Variants in SEMA6D observed in about 807,000 individuals in gnomAD.
SEMA6D encodes the protein semaphorin 6D.
A neutral mutation model predicts 106.6 loss-of-function variants in SEMA6D; 35 were observed. The observed-to-expected ratio is 0.33, with a 90% confidence interval of 0.25 to 0.44. The LOEUF is 0.44. Ranked by LOEUF, SEMA6D falls within the 20% of genes least tolerant of loss-of-function variation. SEMA6D has a pLI of 1.00. For missense variants in SEMA6D, 1,185 were observed against 1,345.9 expected (o/e 0.88, Z 1.87); for synonymous variants, 499 against 487.7 (o/e 1.02, Z -0.31).
At position 47,279,768 on chromosome 15, in the gene SEMA6D, G is replaced by T. The variant is rs934566486; in HGVS notation, c.-239+95350G>T. On this transcript the variant is annotated intron_variant, in intron 1 of 19. Coordinates refer to the SEMA6D transcript ENST00000558014. ...TTGAATTTTGTCAAAGGCCTTTTCTGCATCTATTGAGATAATCATGTGTTT... is the reference window on the plus strand; with the variant it reads ...TTGAATTTTGTCAAAGGCCTTTTCTTCATCTATTGAGATAATCATGTGTTT... Among the ~76,000 whole-genome samples the T allele has an allele frequency of 8.8e-4, 134 of 151,960 alleles. 1 individual carries two copies. The highest frequency in any genetic ancestry group is 1.5e-3 in the Non-Finnish European group (101 of 67,930).
At chr15:47,205,827 A>G (rs1459385240) in intron 1 of SEMA6D, among the ~76,000 whole-genome samples, 1 of 152,226 alleles carries the variant, frequency 6.6e-6, no homozygotes, top group Non-Finnish European at 1.5e-5. Flanking sequence ...ATAGTTTATC[A>G]GCAAATATAC....
intron 1 of SEMA6D, among the ~76,000 whole-genome samples, chr15:47,335,121 G>A (rs1488998776): frequency 6.6e-6 from 1 of 152,052 alleles, no homozygotes; most frequent in Non-Finnish European, 1.5e-5. Context: ...TAGTCAGTAT[G>A]GGGGAAGGGC....
intron 1 of SEMA6D, among the ~76,000 whole-genome samples, chr15:47,367,692 G>A (rs867358479): frequency 7.9e-4 from 58 of 73,500 alleles, no homozygotes; most frequent in Middle Eastern, 7.2e-3. Flanking sequence ...GCGCGCGCGC[G>A]CACACACACA....
chr15:47,432,965 G>T (rs1037035287), intron 2 of SEMA6D, among the ~76,000 whole-genome samples: 2 of 152,010 alleles, frequency 1.3e-5, no homozygotes, highest in African/African-American at 4.8e-5. Flanking sequence ...TGGGTAAAAT[G>T]ATTTTATTAC....
At chr15:47,642,954 T>C (rs1417310101) in intron 4 of SEMA6D, among the ~76,000 whole-genome samples, 2 of 148,912 alleles carry the variant, frequency 1.3e-5, no homozygotes, top group Non-Finnish European at 3.0e-5. Flanking sequence ...AAGATAGAGA[T>C]GAAGATGGAG....
chr15:47,462,774 C>CAAG (rs1353735119), intron 2 of SEMA6D, among the ~76,000 whole-genome samples: 3 of 151,982 alleles, frequency 2.0e-5, no homozygotes, highest in Non-Finnish European at 4.4e-5. Flanking sequence ...TAAGGTTAGG[C>CAAG]AAGAGTGCAG....
At chr15:47,746,984 G>GTGTATA (rs1401767590) in intron 1 of SEMA6D, among the ~76,000 whole-genome samples, 38 of 122,108 alleles carry the variant, frequency 3.1e-4, no homozygotes, top group African/African-American at 9.1e-4. Context: ...GTGTGTGTGT[G>GTGTATA]TATATATATA....
chr15:47,444,938 G>C (rs1048198717), intron 2 of SEMA6D, among the ~76,000 whole-genome samples: 1 of 152,118 alleles, frequency 6.6e-6, no homozygotes. Flanking sequence ...CTTGAAGGAT[G>C]AATGTGGGGG....
In SEMA6D at chr15:47,768,666, A is replaced by G; in HGVS notation, c.1851A>G (p.Lys617=). 1.2e-6 allele frequency: 2 copies of G among 1,613,698 alleles called. No individual in the cohort carries two copies. Among genetic ancestry groups the G allele is most frequent in the Non-Finnish European group, 1.7e-6 (2 of 1,179,670 alleles). The change falls in exon 18 of 19, where the codon AAA becomes AAG. Residue 617 remains lysine, a synonymous_variant. Transcript: ENST00000536845. ...TPKVIDTWRP[K]LTSSRKFVVQ... ...AAGTGATTGATACCTGGAGACCTAA[A>G]CTGACAAGCTCTCGGAAATTTGTAG...
At chr15:47,288,397 T>C (rs1283950270) in intron 1 of SEMA6D, among the ~76,000 whole-genome samples, 1 of 152,214 alleles carries the variant, frequency 6.6e-6, no homozygotes, top group African/African-American at 2.4e-5. Context: ...GTTGTTTTGC[T>C]TGCTCCGTTT....
At chr15:47,264,928 G>A (rs1277473377) in intron 1 of SEMA6D, among the ~76,000 whole-genome samples, 1 of 151,804 alleles carries the variant, frequency 6.6e-6, no homozygotes, top group Non-Finnish European at 1.5e-5. Flanking sequence ...CTGATTTTTG[G>A]GAGTTAACAC....
intron 1 of SEMA6D, among the ~76,000 whole-genome samples, chr15:47,747,009 T>TATATATATA (rs1555422803): frequency 6.7e-6 from 1 of 150,344 alleles, no homozygotes; most frequent in Admixed American, 6.6e-5. Flanking sequence ...TATATTTCGA[T>TATATATATA]TGTAGAAGGT....
chr15:47,200,686 A>G (rs901465736), intron 1 of SEMA6D, among the ~76,000 whole-genome samples: 6 of 152,296 alleles, frequency 3.9e-5, no homozygotes, highest in African/African-American at 1.2e-4. Flanking sequence ...CAATTCCACT[A>G]TTTTACTAAG....
At position 47,418,762 on chromosome 15, in the gene SEMA6D, A is replaced by G. The variant is rs569415615; in HGVS notation, c.-159+6290A>G. 2.0e-5 allele frequency among the ~76,000 whole-genome samples: 3 copies of G among 152,206 alleles called. No homozygotes were observed. In the East Asian group the frequency reaches 5.8e-4, roughly 30 times the overall value. ...TTCAATTACTTCAGCAAGAGAGGAT[A>G]GGGTCCTGTGCCTAGGTGGAGAAGG... On this transcript the variant is annotated intron_variant, in intron 2 of 19. Coordinates refer to the SEMA6D transcript ENST00000558014.
At chr15:47,372,438 G>A (rs1203103484) in intron 1 of SEMA6D, among the ~76,000 whole-genome samples, 1 of 152,180 alleles carries the variant, frequency 6.6e-6, no homozygotes, top group African/African-American at 2.4e-5. Context: ...GGTAGAACTG[G>A]ACCTGATGAA....
intron 3 of SEMA6D, among the ~76,000 whole-genome samples, chr15:47,556,769 G>T (rs2045928310): frequency 6.6e-6 from 1 of 152,146 alleles, no homozygotes; most frequent in Non-Finnish European, 1.5e-5. Context: ...GGCTGGGGCT[G>T]TGTGCTCCTT....
At chr15:47,220,717 C>A (rs1165266507) in intron 1 of SEMA6D, among the ~76,000 whole-genome samples, 5 of 152,218 alleles carry the variant, frequency 3.3e-5, no homozygotes, top group African/African-American at 1.2e-4. Flanking sequence ...GAAATTAGGT[C>A]TTTCTGGTCT....
chr15:47,544,260 C>A (rs2045446771), intron 3 of SEMA6D, among the ~76,000 whole-genome samples: 1 of 152,080 alleles, frequency 6.6e-6, no homozygotes, highest in Non-Finnish European at 1.5e-5. Flanking sequence ...TTCCCAATCC[C>A]AAAATATCCA....
intron 1 of SEMA6D, among the ~76,000 whole-genome samples, chr15:47,215,796 G>T (rs556245134): frequency 1.1e-4 from 17 of 152,242 alleles, no homozygotes; most frequent in African/African-American, 3.6e-4. Flanking sequence ...ATTACATGGG[G>T]ACTAAGTACT....
Sources: allele counts gnomAD v4.1 joint callset (sites outside exome capture counted in the v4.1 genomes callset), GRCh38; gene constraint gnomAD v4.1.1; transcripts MANE v1.5; gene names NCBI Gene and HGNC (gene_info 2026-07-23, HGNC 2026-07-21).